Variants in USP28 observed in about 807,000 individuals in gnomAD.
The protein encoded by USP28 is ubiquitin carboxyl-terminal hydrolase 28.
In USP28, 113 loss-of-function variants were observed where a neutral mutation model predicts 145.0. The ratio of observed to expected loss-of-function variants is 0.78; its 90% confidence interval spans 0.67 to 0.91. USP28 has a LOEUF of 0.91. USP28 is among the 40% of genes least tolerant of loss of function. USP28 has a pLI of 0.00. For synonymous variants in USP28, 447 were observed against 450.9 expected, an observed-to-expected ratio of 0.99 and a Z score of 0.11; for missense variants, 1,201 against 1,289.6, an observed-to-expected ratio of 0.93 and a Z score of 1.05.
intron 12 of USP28, among the ~76,000 whole-genome samples, chr11:113,823,317 G>A (rs1465819845): frequency 6.6e-6 from 1 of 152,014 alleles, no homozygotes; most frequent in Non-Finnish European, 1.5e-5. Context: ...ATGGCAAGGG[G>A]AGTAGAAAAA....
intron 2 of USP28, among the ~76,000 whole-genome samples, chr11:113,853,877 T>TC (rs1198351699): frequency 7.9e-5 from 1 of 12,654 alleles, no homozygotes; most frequent in Non-Finnish European, 1.8e-4. Flanking sequence ...AGACTCCATC[T>TC]CAAAAAAAAA....
chr11:113,868,528 T>C (rs1948513964), intron 1 of USP28, among the ~76,000 whole-genome samples: 1 of 152,176 alleles, frequency 6.6e-6, no homozygotes, highest in African/African-American at 2.4e-5. Context: ...TGGCTTGAAG[T>C]CACAGCTCTG....
chr11:113,854,442 C>G, intron 1 of USP28, 107 bp from the exon 2 acceptor site: 1 of 1,085,488 alleles, frequency 9.2e-7, no homozygotes, highest in African/African-American at 1.6e-5. Flanking sequence ...CTGAGGCTTG[C>G]CCAGGCTGGA....
At chr11:113,832,553 T>A (rs187420128) in intron 7 of USP28, among the ~76,000 whole-genome samples, 51 of 152,282 alleles carry the variant, frequency 3.3e-4, no homozygotes, top group African/African-American at 1.2e-3. Flanking sequence ...TCCAGCCACA[T>A]CTATTTATGA....
chr11:113,827,011 G>A (rs1591286084), intron 11 of USP28, among the ~76,000 whole-genome samples: 2 of 152,010 alleles, frequency 1.3e-5, no homozygotes, highest in South Asian at 4.2e-4. Flanking sequence ...CCAAAAGGAG[G>A]AGGGCTTTCA....
At chr11:113,826,343 T>A (rs1160790796) in intron 11 of USP28, among the ~76,000 whole-genome samples, 1 of 112,880 alleles carries the variant, frequency 8.9e-6, no homozygotes, top group African/African-American at 3.1e-5. Context: ...ACCCATTTTT[T>A]TTTTTTTTTT....
At chr11:113,844,149 G>A (rs1205357011) in intron 3 of USP28, among the ~76,000 whole-genome samples, 2 of 152,044 alleles carry the variant, frequency 1.3e-5, no homozygotes, top group African/African-American at 4.8e-5. Context: ...CCATCAAGAA[G>A]TGAAGAGACA....
exon 1 of USP28, chr11:113,875,448 G>C: frequency 8.0e-7 from 1 of 1,250,008 alleles, no homozygotes; most frequent in Non-Finnish European, 1.0e-6. Context: ...AGCCCACCGA[G>C]CCGTGGCCGT....
At chr11:113,837,651 C>A (rs545301410) in intron 5 of USP28, among the ~76,000 whole-genome samples, 100 of 152,176 alleles carry the variant, frequency 6.6e-4, no homozygotes, top group Non-Finnish European at 1.1e-3. Flanking sequence ...AGCTTTGATG[C>A]TACGGTCTTA....
At chr11:113,834,954 T>C (rs992976765) in intron 5 of USP28, among the ~76,000 whole-genome samples, 1 of 152,272 alleles carries the variant, frequency 6.6e-6, no homozygotes. Context: ...TGTAAAACAA[T>C]ACTACGTATT....
chr11:113,849,593 G>A (rs919331869), intron 3 of USP28, among the ~76,000 whole-genome samples: 1 of 152,120 alleles, frequency 6.6e-6, no homozygotes, highest in African/African-American at 2.4e-5. Context: ...TTTGAAGGGC[G>A]CATTAAAGTA....
chr11:113,824,472 C>T (rs989409370), intron 11 of USP28, among the ~76,000 whole-genome samples: 6 of 151,870 alleles, frequency 4.0e-5, no homozygotes, highest in Non-Finnish European at 7.4e-5. Context: ...TGCCCATCAC[C>T]AAGTCTGATT....
At chr11:113,840,116 T>C (rs1945032264) in intron 5 of USP28, among the ~76,000 whole-genome samples, 1 of 152,188 alleles carries the variant, frequency 6.6e-6, no homozygotes, top group African/African-American at 2.4e-5. Context: ...ATCCACCTGG[T>C]TACTCGAACT....
At chr11:113,841,819 T>G (rs749181621) in intron 3 of USP28, 51 bp from the exon 4 acceptor site, 1 of 1,249,162 alleles carries the variant, frequency 8.0e-7, no homozygotes. Flanking sequence ...AACACTGCCC[T>G]TCTGTAATAT....
chr11:113,858,667 C>T (rs905104702), intron 1 of USP28, among the ~76,000 whole-genome samples: 1 of 152,128 alleles, frequency 6.6e-6, no homozygotes, highest in Non-Finnish European at 1.5e-5. Flanking sequence ...TGGAGCGCAG[C>T]GGCGCAATCT....
Position 113,857,631 on chromosome 11 carries a change from T to C in USP28, c.58-3296A>G, listed in dbSNP as rs77220126. Reference sequence around the variant, plus strand: ...AACATCACATCTGCTACTTGGATGATAGTAAAAATGTTAAGAACATCTTGA... The same window carrying C: ...AACATCACATCTGCTACTTGGATGACAGTAAAAATGTTAAGAACATCTTGA... On this transcript the variant is annotated intron_variant, in intron 1 of 24. Coordinates refer to ENST00000003302, the Ensembl canonical transcript of USP28. 8.4e-3 allele frequency among the ~76,000 whole-genome samples: 1,273 copies of C among 152,300 alleles called. 17 individuals are homozygous for C. The highest frequency in any genetic ancestry group is 0.028 in the African/African-American group (1,182 of 41,558).
intron 1 of USP28, among the ~76,000 whole-genome samples, chr11:113,857,454 T>G (rs1020629716): frequency 1.3e-5 from 2 of 152,232 alleles, no homozygotes; most frequent in African/African-American, 2.4e-5. Context: ...TTGGTTTTTT[T>G]GTTTTGTTTT....
intron 18 of USP28, 102 bp from the exon 20 acceptor site, chr11:113,806,686 G>T: frequency 1.3e-6 from 1 of 770,516 alleles, no homozygotes; most frequent in Non-Finnish European, 2.0e-6. Flanking sequence ...GGGCAGCAGA[G>T]CAGTGTGCTC....
intron 11 of USP28, among the ~76,000 whole-genome samples, chr11:113,824,883 A>G (rs1050948782): frequency 1.3e-5 from 2 of 150,350 alleles, no homozygotes; most frequent in Non-Finnish European, 3.0e-5. Context: ...GTGAGCCAAG[A>G]TCGCACCATT....
Sources: allele counts gnomAD v4.1 joint callset (sites outside exome capture counted in the v4.1 genomes callset), GRCh38; gene constraint gnomAD v4.1.1; transcripts MANE v1.5; gene names NCBI Gene and HGNC (gene_info 2026-07-23, HGNC 2026-07-21).